CACNA2D1: variants seen among roughly 807,000 people sequenced by gnomAD.
CACNA2D1 encodes the protein calcium voltage-gated channel auxiliary subunit alpha2delta 1, also known as voltage-dependent calcium channel subunit alpha-2/delta-1.
CACNA2D1 carries 53 observed loss-of-function variants against 171.5 expected under a neutral mutation model. The ratio of observed to expected loss-of-function variants is 0.31; its 90% confidence interval spans 0.25 to 0.39. CACNA2D1 has a LOEUF of 0.39. Among genes scored for constraint, CACNA2D1 ranks in the 10% least tolerant of loss-of-function variants. The pLI is 1.00. For missense variants in CACNA2D1, 903 were observed against 1,299.8 expected (o/e 0.69, Z 4.69); for synonymous variants, 442 against 443.1 (o/e 1.00, Z 0.03).
chr7:81,993,158 T>C (rs1312461473), intron 20 of CACNA2D1, among the ~76,000 whole-genome samples: 1 of 152,132 alleles, frequency 6.6e-6, no homozygotes, highest in Non-Finnish European at 1.5e-5. Context: ...TATAGAATAG[T>C]AAGACTCATG....
intron 36 of CACNA2D1, among the ~76,000 whole-genome samples, chr7:81,960,931 T>C (rs1436086260): frequency 6.6e-6 from 1 of 152,016 alleles, no homozygotes; most frequent in Non-Finnish European, 1.5e-5. Flanking sequence ...CTTTATATAC[T>C]CTACCTCCTC....
intron 1 of CACNA2D1, among the ~76,000 whole-genome samples, chr7:82,443,127 G>C (rs1223609503): frequency 6.6e-6 from 1 of 152,128 alleles, no homozygotes; most frequent in South Asian, 2.1e-4. Context: ...CGCTTCCCGG[G>C]ACAGTCGGCC....
chr7:82,020,770 T>C (rs1801092385), intron 12 of CACNA2D1: 1 of 152,160 alleles, frequency 6.6e-6, no homozygotes, highest in African/African-American at 2.4e-5. Context: ...ACATAAGATA[T>C]ATCTATACGA....
At chr7:82,242,665 G>T (rs540010656) in intron 3 of CACNA2D1, among the ~76,000 whole-genome samples, 2 of 152,132 alleles carry the variant, frequency 1.3e-5, no homozygotes, top group East Asian at 3.9e-4. Context: ...TCAGAAAATC[G>T]AATAACACAG....
chr7:82,424,489 T>A (rs557317739), intron 1 of CACNA2D1, among the ~76,000 whole-genome samples: 17 of 152,282 alleles, frequency 1.1e-4, no homozygotes, highest in Admixed American at 2.6e-4. Context: ...AAAAATCAGA[T>A]GTTGTTTAGG....
At chr7:82,176,508 T>C (rs1796553057) in intron 3 of CACNA2D1, among the ~76,000 whole-genome samples, 1 of 152,004 alleles carries the variant, frequency 6.6e-6, no homozygotes, top group Admixed American at 6.6e-5. Flanking sequence ...TAAAAATGTT[T>C]CTATAAAGAA....
chr7:81,980,683 A>C (rs767361237), intron 24 of CACNA2D1, among the ~76,000 whole-genome samples: 1 of 152,152 alleles, frequency 6.6e-6, no homozygotes, highest in Non-Finnish European at 1.5e-5. Context: ...GAGATCAAGT[A>C]AGAGGCAAAT....
In CACNA2D1 at chr7:82,298,090, T is replaced by C. The variant is rs537405482; in HGVS notation, c.294+37045A>G. Among the ~76,000 whole-genome samples the C allele has an allele frequency of 1.1e-3, 174 of 152,318 alleles. 1 individual carries two copies. The highest frequency in any genetic ancestry group is 2.4e-3 in the Admixed American group (36 of 15,296). On this transcript the variant is annotated intron_variant, in intron 3 of 38. Coordinates refer to ENST00000356860, the MANE Select transcript of CACNA2D1 (RefSeq NM_000722.4). The stretch of plus-strand genomic sequence containing the variant: ...TTCAATACAAAAATGTTTGCAGCTA[T>C]TGTAGAATTATACACACCGACTGGT...
chr7:82,185,478 AGGGGGAGGAGGAGGGGGAGGGGAG>A (rs1797579622), intron 3 of CACNA2D1, among the ~76,000 whole-genome samples: 1 of 20,028 alleles, frequency 5.0e-5, no homozygotes, highest in Non-Finnish European at 1.3e-4. Flanking sequence ...AGAGGGGGGG[AGGGGGAGGAGGAGGGGGAGGGGAG>A]GGGGAGGGGG....
chr7:82,404,951 G>A (rs2129452677), intron 1 of CACNA2D1, among the ~76,000 whole-genome samples: 1 of 152,274 alleles, frequency 6.6e-6, no homozygotes, highest in Non-Finnish European at 1.5e-5. Context: ...AGAATCTAAA[G>A]CATGTAAGAC....
intron 10 of CACNA2D1, among the ~76,000 whole-genome samples, chr7:82,048,904 A>G (rs1252985716): frequency 1.3e-5 from 2 of 152,092 alleles, no homozygotes; most frequent in Non-Finnish European, 2.9e-5. Context: ...AACTTTTATA[A>G]TTCTAAAAAC....
At chr7:82,361,677 A>C (rs1821094266) in intron 1 of CACNA2D1, among the ~76,000 whole-genome samples, 2 of 152,168 alleles carry the variant, frequency 1.3e-5, no homozygotes, top group Non-Finnish European at 2.9e-5. Flanking sequence ...ATCCAATAGA[A>C]GCTTGCATAT....
chr7:82,408,397 C>T (rs1827290722), intron 1 of CACNA2D1, among the ~76,000 whole-genome samples: 1 of 152,074 alleles, frequency 6.6e-6, no homozygotes, highest in South Asian at 2.1e-4. Context: ...AAGAACAATG[C>T]TTTTGAGACC....
intron 3 of CACNA2D1, among the ~76,000 whole-genome samples, chr7:82,261,319 C>T (rs2129332464): frequency 6.6e-6 from 1 of 152,292 alleles, no homozygotes; most frequent in African/African-American, 2.4e-5. Context: ...GCAAACCCTG[C>T]ATTGTGTTAT....
intron 26 of CACNA2D1, among the ~76,000 whole-genome samples, 155 bp downstream of exon 26, chr7:81,971,622 A>G (rs1304983130): frequency 6.6e-6 from 1 of 151,706 alleles, no homozygotes; most frequent in African/African-American, 2.4e-5. Flanking sequence ...CACAACTGAA[A>G]ATGCAAGTTG....
intron 3 of CACNA2D1, among the ~76,000 whole-genome samples, chr7:82,265,798 C>G (rs1029631458): frequency 1.5e-4 from 23 of 152,048 alleles, no homozygotes; most frequent in African/African-American, 5.3e-4. Flanking sequence ...TCAATCATTG[C>G]CCTCTTTATT....
At chr7:82,094,302 A>T (rs1337721660) in intron 6 of CACNA2D1, among the ~76,000 whole-genome samples, 1 of 152,218 alleles carries the variant, frequency 6.6e-6, no homozygotes, top group African/African-American at 2.4e-5. Context: ...ATCATAATAT[A>T]TAAAGGTATG....
chr7:82,409,835 A>C (rs530244821), intron 1 of CACNA2D1, among the ~76,000 whole-genome samples: 2 of 152,318 alleles, frequency 1.3e-5, no homozygotes, highest in South Asian at 2.1e-4. Flanking sequence ...GTCATTGTGC[A>C]AATATCATAG....
intron 24 of CACNA2D1, among the ~76,000 whole-genome samples, chr7:81,981,392 A>C (rs1300383632): frequency 6.6e-6 from 1 of 152,192 alleles, no homozygotes; most frequent in African/African-American, 2.4e-5. Flanking sequence ...AAGCAAGAGA[A>C]GCTTCTCAAG....
Sources: gnomAD v4.1 joint callset for allele counts (sites outside exome capture counted in the v4.1 genomes callset) on GRCh38, gnomAD v4.1.1 for gene constraint, MANE v1.5 for transcripts, NCBI Gene and HGNC (gene_info 2026-07-23, HGNC 2026-07-21) for gene names.